CSMD1: variants seen among roughly 807,000 people sequenced by gnomAD.
CSMD1 encodes CUB and sushi domain-containing protein 1.
In CSMD1, 213 loss-of-function variants were observed where a neutral mutation model predicts 417.5. That is an observed-to-expected ratio of 0.51 (90% CI 0.46 to 0.57). The LOEUF (loss-of-function observed/expected upper bound fraction) is 0.57. Ranked by LOEUF, CSMD1 falls within the 20% of genes least tolerant of loss-of-function variation. The pLI, the probability that CSMD1 is intolerant of heterozygous loss-of-function variation, is 0.00. For synonymous variants in CSMD1, 2,862 were observed against 1,736.8 expected, an observed-to-expected ratio of 1.65 and a Z score of -16.11; for missense variants, 6,923 against 4,529.7, an observed-to-expected ratio of 1.53 and a Z score of -15.17.
intron 1 of CSMD1, among the ~76,000 whole-genome samples, chr8:4,820,723 A>T (rs1288580484): frequency 6.6e-6 from 1 of 152,174 alleles, no homozygotes; most frequent in Non-Finnish European, 1.5e-5. Context: ...ATGGACTAAT[A>T]AGGATCTAAC....
At chr8:4,699,877 A>G (rs1807405821) in intron 1 of CSMD1, among the ~76,000 whole-genome samples, 1 of 152,214 alleles carries the variant, frequency 6.6e-6, no homozygotes, top group Non-Finnish European at 1.5e-5. Flanking sequence ...CAAGAGACAA[A>G]GTTTTTCAGA....
At chr8:3,040,159 A>T (rs1278895174) in intron 50 of CSMD1, among the ~76,000 whole-genome samples, 6 of 152,126 alleles carry the variant, frequency 3.9e-5, no homozygotes, top group Non-Finnish European at 7.4e-5. Flanking sequence ...GAAGATGGAA[A>T]GATTGAAAGA....
At chr8:3,567,445 AAAATAT>A (rs1799761345) in intron 10 of CSMD1, among the ~76,000 whole-genome samples, 1 of 151,754 alleles carries the variant, frequency 6.6e-6, no homozygotes, top group African/African-American at 2.4e-5. Context: ...AATAAAAATA[AAAATAT>A]AAATGAAGAC....
At chr8:4,068,693 C>G (rs1397700486) in intron 3 of CSMD1, among the ~76,000 whole-genome samples, 1 of 152,068 alleles carries the variant, frequency 6.6e-6, no homozygotes, top group Non-Finnish European at 1.5e-5. Context: ...ATTCTCATTT[C>G]AAGATATCTA....
intron 5 of CSMD1, among the ~76,000 whole-genome samples, chr8:3,850,291 A>G (rs571212537): frequency 3.8e-4 from 58 of 152,322 alleles, no homozygotes; most frequent in Non-Finnish European, 7.9e-4. Context: ...AGTGTTCTCT[A>G]TTTTGGTTTC....
chr8:4,673,529 C>G (rs975717543), intron 1 of CSMD1, among the ~76,000 whole-genome samples: 2 of 152,118 alleles, frequency 1.3e-5, no homozygotes, highest in African/African-American at 4.8e-5. Flanking sequence ...TACAAAACAG[C>G]TCTCAGTTAG....
chr8:4,138,618 A>G (rs1023442723), intron 3 of CSMD1, among the ~76,000 whole-genome samples: 1 of 134,770 alleles, frequency 7.4e-6, no homozygotes, highest in Non-Finnish European at 1.7e-5. Flanking sequence ...AAAAAAAATT[A>G]AACAAAGGAA....
intron 26 of CSMD1, among the ~76,000 whole-genome samples, chr8:3,268,422 G>C (rs1422345393): frequency 6.7e-6 from 1 of 149,386 alleles, no homozygotes; most frequent in Non-Finnish European, 1.5e-5. Flanking sequence ...CCGAGTAACT[G>C]GGACTACAGG....
intron 3 of CSMD1, among the ~76,000 whole-genome samples, chr8:4,342,534 T>C (rs570812498): frequency 6.6e-6 from 1 of 152,028 alleles, no homozygotes; most frequent in Non-Finnish European, 1.5e-5. Flanking sequence ...ATTTTCCTGA[T>C]GTATGACATT....
At chr8:3,813,709 C>A (rs1028809747) in intron 5 of CSMD1, among the ~76,000 whole-genome samples, 1 of 152,156 alleles carries the variant, frequency 6.6e-6, no homozygotes, top group Non-Finnish European at 1.5e-5. Context: ...ACTATTCACT[C>A]CTCCTATACC....
intron 2 of CSMD1, among the ~76,000 whole-genome samples, chr8:4,542,870 A>G (rs550631447): frequency 2.2e-4 from 33 of 152,330 alleles, no homozygotes; most frequent in Admixed American, 5.9e-4. Context: ...GTATATTTCT[A>G]TCACTCTAAT....
intron 3 of CSMD1, among the ~76,000 whole-genome samples, chr8:4,181,483 A>G (rs184967068): frequency 4.7e-4 from 71 of 152,260 alleles, no homozygotes; most frequent in African/African-American, 1.5e-3. Flanking sequence ...AACACTAACG[A>G]TAACTGATGA....
At chr8:4,480,009 G>C (rs993139077) in intron 2 of CSMD1, among the ~76,000 whole-genome samples, 2 of 151,560 alleles carry the variant, frequency 1.3e-5, no homozygotes, top group African/African-American at 4.8e-5. Context: ...AAGCAAACTG[G>C]ATAAAGCAAA....
At chr8:4,274,330 C>A (rs1267333526) in intron 3 of CSMD1, among the ~76,000 whole-genome samples, 5 of 152,090 alleles carry the variant, frequency 3.3e-5, no homozygotes, top group Non-Finnish European at 7.4e-5. Context: ...GGAGGAAAAA[C>A]ACATGACTTT....
intron 10 of CSMD1, among the ~76,000 whole-genome samples, chr8:3,514,810 T>C (rs1797220173): frequency 6.6e-6 from 1 of 152,178 alleles, no homozygotes; most frequent in South Asian, 2.1e-4. Flanking sequence ...TTACAGTGGG[T>C]ACCTATATTA....
intron 3 of CSMD1, among the ~76,000 whole-genome samples, chr8:4,329,808 G>A (rs538796037): frequency 1.4e-4 from 22 of 151,738 alleles, no homozygotes; most frequent in African/African-American, 4.3e-4. Context: ...AAGTTCTCAT[G>A]AGATGTGGTC....
At chr8:4,895,507 A>T (rs1013659037) in intron 1 of CSMD1, among the ~76,000 whole-genome samples, 1 of 152,126 alleles carries the variant, frequency 6.6e-6, no homozygotes, top group Non-Finnish European at 1.5e-5. Context: ...CTTAATTCAC[A>T]GTCTTTTTAT....
intron 2 of CSMD1, among the ~76,000 whole-genome samples, chr8:4,469,398 T>G (rs1343835633): frequency 1.3e-5 from 2 of 152,230 alleles, no homozygotes; most frequent in African/African-American, 4.8e-5. Flanking sequence ...GGTGTCAGCA[T>G]TCTGCCGTAT....
intron 1 of CSMD1, among the ~76,000 whole-genome samples, chr8:4,861,127 G>A (rs79386851): frequency 6.6e-5 from 10 of 152,158 alleles, no homozygotes; most frequent in African/African-American, 2.2e-4. Context: ...AATTTAGTAC[G>A]TATTTAGTGA....
Sources: allele counts gnomAD v4.1 joint callset (sites outside exome capture counted in the v4.1 genomes callset), GRCh38; gene constraint gnomAD v4.1.1; transcripts MANE v1.5; gene names NCBI Gene and HGNC (gene_info 2026-07-23, HGNC 2026-07-21).